DLG2: variants seen among roughly 807,000 people sequenced by gnomAD.
DLG2 encodes discs large MAGUK scaffold protein 2.
In DLG2, 45 loss-of-function variants were observed where a neutral mutation model predicts 132.5. That is an observed-to-expected ratio of 0.34 (90% CI 0.27 to 0.44). The LOEUF (loss-of-function observed/expected upper bound fraction) is 0.44. Ranked by LOEUF, DLG2 falls within the 20% of genes least tolerant of loss-of-function variation. The probability of loss-of-function intolerance (pLI) is 1.00; values close to 1 mark genes in which losing one functional copy is unlikely to be tolerated. For missense variants in DLG2, 1,045 were observed against 1,196.9 expected (o/e 0.87, Z 1.87); for synonymous variants, 424 against 419.6 (o/e 1.01, Z -0.13).
At chr11:85,004,181 C>T (rs552494174) in intron 6 of DLG2, among the ~76,000 whole-genome samples, 55 of 152,140 alleles carry the variant, frequency 3.6e-4, no homozygotes, top group Non-Finnish European at 6.5e-4. Context: ...AATAAACATA[C>T]ATGTGCACGT....
At chr11:84,029,378 T>G (rs545808268) in intron 11 of DLG2, among the ~76,000 whole-genome samples, 28 of 152,104 alleles carry the variant, frequency 1.8e-4, no homozygotes, top group African/African-American at 6.0e-4. Context: ...GGACACATCA[T>G]CCACATTTCC....
chr11:85,586,200 C>T (rs1041270205), intron 3 of DLG2, among the ~76,000 whole-genome samples: 5 of 151,814 alleles, frequency 3.3e-5, no homozygotes, highest in Non-Finnish European at 7.4e-5. Flanking sequence ...TTTGTTATGT[C>T]CTTTCTGGGT....
intron 7 of DLG2, among the ~76,000 whole-genome samples, chr11:84,463,307 T>C (rs2099085331): frequency 6.6e-6 from 1 of 151,064 alleles, no homozygotes; most frequent in Admixed American, 6.6e-5. Context: ...TAAAAATAAG[T>C]CAGAAATGAG....
At chr11:84,504,469 G>C (rs945093157) in intron 7 of DLG2, among the ~76,000 whole-genome samples, 2 of 152,078 alleles carry the variant, frequency 1.3e-5, no homozygotes, top group African/African-American at 4.8e-5. Context: ...TTTTAGTTCA[G>C]CATGTAAAAC....
intron 6 of DLG2, among the ~76,000 whole-genome samples, chr11:84,590,671 G>C (rs74856523): frequency 4.3e-4 from 65 of 152,156 alleles, no homozygotes; most frequent in African/African-American, 1.5e-3. Flanking sequence ...AACATATGAA[G>C]GTGTTCCTTA....
At chr11:83,922,923 T>G (rs1239329397) in intron 15 of DLG2, among the ~76,000 whole-genome samples, 1 of 152,138 alleles carries the variant, frequency 6.6e-6, no homozygotes, top group East Asian at 1.9e-4. Flanking sequence ...AGAAGAAACA[T>G]GTAAGACAGA....
chr11:83,826,915 G>C (rs776757168), intron 17 of DLG2, among the ~76,000 whole-genome samples: 1 of 152,156 alleles, frequency 6.6e-6, no homozygotes, highest in Non-Finnish European at 1.5e-5. Context: ...GAGATGTGGA[G>C]ATGAGACTTG....
At chr11:84,731,369 A>C (rs563258278) in intron 6 of DLG2, among the ~76,000 whole-genome samples, 4 of 152,200 alleles carry the variant, frequency 2.6e-5, no homozygotes, top group African/African-American at 7.2e-5. Context: ...ATTACAAACC[A>C]ATGGAGAAGG....
intron 6 of DLG2, among the ~76,000 whole-genome samples, chr11:84,820,531 T>C (rs1000053363): frequency 6.6e-6 from 1 of 151,882 alleles, no homozygotes; most frequent in African/African-American, 2.4e-5. Context: ...AATCTTTTCC[T>C]CCAAATTCCA....
rs138786796 is a variant in DLG2 at position 84,229,871 on chromosome 11, G to T, written c.573+21367C>A. On this transcript the variant is annotated intron_variant, in intron 8 of 27. Coordinates refer to ENST00000376104, the MANE Select transcript of DLG2 (RefSeq NM_001142699.3). Reference sequence around the variant, plus strand: ...TAACACATGTAAAGCATGTAAAACAGTACCCAGTACTGAGTAAGCACTCAA... The same window carrying T: ...TAACACATGTAAAGCATGTAAAACATTACCCAGTACTGAGTAAGCACTCAA... Among the ~76,000 whole-genome samples, 1,494 of 152,258 alleles carry T rather than the reference G, an allele frequency of 9.8e-3. 9 individuals carry two copies. The highest frequency in any genetic ancestry group is 0.016 in the Non-Finnish European group (1,076 of 68,016).
At chr11:84,929,007 T>C (rs1318726623) in intron 6 of DLG2, among the ~76,000 whole-genome samples, 1 of 130,948 alleles carries the variant, frequency 7.6e-6, no homozygotes, top group Admixed American at 7.7e-5. Context: ...TATATATATA[T>C]ATATATATAT....
At chr11:84,197,898 G>A (rs1412891530) in intron 8 of DLG2, among the ~76,000 whole-genome samples, 3 of 152,110 alleles carry the variant, frequency 2.0e-5, no homozygotes, top group Admixed American at 1.3e-4. Context: ...AATTACATAT[G>A]GGGATATAGG....
chr11:84,524,719 A>C (rs186500565), intron 7 of DLG2, among the ~76,000 whole-genome samples: 25 of 152,324 alleles, frequency 1.6e-4, no homozygotes, highest in Admixed American at 1.3e-3. Context: ...AATATCAAGA[A>C]TCAGAATAGT....
At chr11:83,934,690 TTCAGGCTGTC>T (rs1234840191) in intron 14 of DLG2, among the ~76,000 whole-genome samples, 3 of 152,210 alleles carry the variant, frequency 2.0e-5, no homozygotes, top group Non-Finnish European at 4.4e-5. Flanking sequence ...TCTCAAAGCC[TTCAGGCTGTC>T]TCAGGCAGGG....
At chr11:83,835,474 AG>A (rs1170174072) in intron 16 of DLG2, among the ~76,000 whole-genome samples, 1 of 152,172 alleles carries the variant, frequency 6.6e-6, no homozygotes, top group African/African-American at 2.4e-5. Context: ...CGCTATAAAA[AG>A]GAAGAACATT....
chr11:85,397,890 A>G (rs1414625775), intron 3 of DLG2, among the ~76,000 whole-genome samples: 1 of 152,168 alleles, frequency 6.6e-6, no homozygotes, highest in Non-Finnish European at 1.5e-5. Context: ...GTTAACAAGG[A>G]TATCCAGGGC....
intron 3 of DLG2, among the ~76,000 whole-genome samples, chr11:85,392,699 A>C (rs1445174329): frequency 6.6e-6 from 1 of 152,106 alleles, no homozygotes; most frequent in African/African-American, 2.4e-5. Context: ...TCAACAAAGC[A>C]GACAAAATCA....
At chr11:83,467,820 C>CACAT (rs1555056004) in intron 25 of DLG2, among the ~76,000 whole-genome samples, 3 of 110,778 alleles carry the variant, frequency 2.7e-5, no homozygotes, top group African/African-American at 1.1e-4. Context: ...TACACACACA[C>CACAT]ATATAAAATA....
chr11:85,168,905 A>C (rs2078648555), intron 4 of DLG2, among the ~76,000 whole-genome samples: 1 of 152,180 alleles, frequency 6.6e-6, no homozygotes, highest in Non-Finnish European at 1.5e-5. Context: ...GTTTCTATAA[A>C]CTAACAGAAT....
Sources: allele counts gnomAD v4.1 joint callset (sites outside exome capture counted in the v4.1 genomes callset), GRCh38; gene constraint gnomAD v4.1.1; transcripts MANE v1.5; gene names NCBI Gene and HGNC (gene_info 2026-07-23, HGNC 2026-07-21).